PCDHGA2: variants seen among roughly 807,000 people sequenced by gnomAD.
PCDHGA2 encodes the protein protocadherin gamma-A2.
A neutral mutation model predicts 59.2 loss-of-function variants in PCDHGA2; 40 were observed. The observed-to-expected ratio is 0.68, with a 90% confidence interval of 0.52 to 0.88. The LOEUF (loss-of-function observed/expected upper bound fraction) is 0.88. Among genes scored for constraint, PCDHGA2 ranks in the 40% least tolerant of loss-of-function variants. The pLI is 0.00. For synonymous variants in PCDHGA2, 560 were observed against 526.0 expected, an observed-to-expected ratio of 1.06 and a Z score of -0.89; for missense variants, 1,226 against 1,204.0, an observed-to-expected ratio of 1.02 and a Z score of -0.27.
chr5:141,343,940 C>A, intron 1 of PCDHGA2: 1 of 1,176,862 alleles, frequency 8.5e-7, no homozygotes, highest in Non-Finnish European at 1.2e-6. Context: ...GTGAATTAGG[C>A]CCGTAAAAGA....
At chr5:141,408,248 G>A in intron 1 of PCDHGA2, 1 of 1,593,412 alleles carries the variant, frequency 6.3e-7, no homozygotes, top group East Asian at 2.3e-5. Context: ...CCCGCGGCAG[G>A]TGCTATTTCC....
At chr5:141,389,147 G>C (rs530113846) in intron 1 of PCDHGA2, 120 of 1,613,986 alleles carry the variant, frequency 7.4e-5, no homozygotes, top group Admixed American at 4.8e-4. Flanking sequence ...TAACCGTTAC[G>C]GCAACAGATC....
At chr5:141,406,515 T>C (rs2094818414) in intron 1 of PCDHGA2, among the ~76,000 whole-genome samples, 1 of 152,234 alleles carries the variant, frequency 6.6e-6, no homozygotes, top group Non-Finnish European at 1.5e-5. Context: ...TGTTTGTGTT[T>C]ACAGATATTT....
intron 1 of PCDHGA2, among the ~76,000 whole-genome samples, chr5:141,482,526 C>T (rs1198022164): frequency 1.5e-5 from 1 of 68,582 alleles, no homozygotes; most frequent in African/African-American, 9.7e-5. Flanking sequence ...ATGAGACAGA[C>T]ATGCAAAAAA....
At chr5:141,356,980 G>A in intron 1 of PCDHGA2, 1 of 1,614,252 alleles carries the variant, frequency 6.2e-7, no homozygotes, top group Non-Finnish European at 8.5e-7. Flanking sequence ...AGTGGTGGCA[G>A]TGGACAGAGA....
intron 1 of PCDHGA2, chr5:141,350,198 G>C: frequency 7.0e-7 from 1 of 1,421,620 alleles, no homozygotes; most frequent in African/African-American, 1.4e-5. Flanking sequence ...AGAAGTCCAG[G>C]GTGCTGCCAT....
Position 141,432,911 on chromosome 5 carries a change from C to G in PCDHGA2, c.2425-61896C>G. 5 of 1,614,176 alleles carry G rather than the reference C, an allele frequency of 3.1e-6. No homozygotes were observed. Among genetic ancestry groups the G allele is most frequent in the Non-Finnish European group, 4.2e-6 (5 of 1,180,014 alleles). Reference sequence around the variant, plus strand: ...CTTGCTGCTGGCGCTCAGGCTGCGGCGCTGGCACAAGTCACGCCTGCTGCA... The same window carrying G: ...CTTGCTGCTGGCGCTCAGGCTGCGGGGCTGGCACAAGTCACGCCTGCTGCA... On this transcript the variant is annotated intron_variant, in intron 1 of 3. Transcript: ENST00000394576. This position sits in a 1 kb window ranked among gnomAD's most constrained non-coding sequence, Gnocchi z 6.0.
intron 1 of PCDHGA2, chr5:141,410,715 G>A: frequency 1.4e-6 from 2 of 1,422,782 alleles, no homozygotes; most frequent in Non-Finnish European, 1.9e-6. Context: ...AGAATCATAT[G>A]TTTAAAATCC....
intron 1 of PCDHGA2, among the ~76,000 whole-genome samples, chr5:141,439,689 A>G (rs1193986599): frequency 6.6e-6 from 1 of 152,218 alleles, no homozygotes; most frequent in Non-Finnish European, 1.5e-5. Flanking sequence ...CAGACCCACA[A>G]CATTCCTATT....
chr5:141,408,909 A>G lies in PCDHGA2; in HGVS notation c.2424+67514A>G, dbSNP rs746399377. On this transcript the variant is annotated intron_variant, in intron 1 of 3. Transcript: ENST00000394576. ...ATAGAAATTTCTGTCAAGGATACCA[A>G]TGATAACCCCCCGGTTTTCAGCAGA... 1.3e-5 allele frequency: 21 copies of G among 1,613,442 alleles called. No individual in the cohort carries two copies. In the East Asian group the frequency reaches 2.5e-4, roughly 19 times the overall value.
intron 1 of PCDHGA2, chr5:141,345,031 T>G (rs1276202464): frequency 2.5e-6 from 4 of 1,613,840 alleles, no homozygotes; most frequent in Non-Finnish European, 3.4e-6. Flanking sequence ...AGAGCCAAGA[T>G]TCTAGTCACG....
At chr5:141,383,997 T>C (rs1160859584) in intron 1 of PCDHGA2, 1 of 1,613,870 alleles carries the variant, frequency 6.2e-7, no homozygotes, top group Admixed American at 1.7e-5. Flanking sequence ...GGACAGTCAT[T>C]GCTCTTTTCT....
intron 1 of PCDHGA2, chr5:141,394,811 C>G (rs1225635250): frequency 7.4e-6 from 12 of 1,613,770 alleles, no homozygotes; most frequent in Non-Finnish European, 1.0e-5. Flanking sequence ...CCGTGGCTGA[C>G]AGCATCCCCG....
chr5:141,501,025 C>T (rs999221755), intron 2 of PCDHGA2, among the ~76,000 whole-genome samples: 94 of 152,100 alleles, frequency 6.2e-4, no homozygotes, highest in East Asian at 1.9e-3. Flanking sequence ...CGCGCCACCA[C>T]GCCCAGCTAA....
chr5:141,418,980 A>T, intron 1 of PCDHGA2: 1 of 1,614,004 alleles, frequency 6.2e-7, no homozygotes. Flanking sequence ...ACACGGGACC[A>T]AGACTCAGGG....
At chr5:141,351,789 T>C in intron 1 of PCDHGA2, 1 of 1,613,364 alleles carries the variant, frequency 6.2e-7, no homozygotes. Flanking sequence ...AGCGGGGTGG[T>C]GTTCGCGCAG....
Position 141,485,411 on chromosome 5 carries a change from G to C in PCDHGA2, c.2425-9396G>C, listed in dbSNP as rs1412397411. On this transcript the variant is annotated intron_variant, in intron 1 of 3. Coordinates refer to ENST00000394576, the MANE Select transcript of PCDHGA2 (RefSeq NM_018915.4). This position sits in a 1 kb window ranked among gnomAD's most constrained non-coding sequence, Gnocchi z 5.7. The stretch of plus-strand genomic sequence containing the variant: ...CCAAAGACACTTCCGTGTGGATTTG[G>C]ACAGCGGAGCCCTGCTCATCAAGAA... The C allele has an allele frequency of 2.5e-6, 4 of 1,614,054 alleles. No homozygotes were observed. Among genetic ancestry groups the C allele is most frequent in the Non-Finnish European group, 3.4e-6 (4 of 1,180,044 alleles).
intron 1 of PCDHGA2, among the ~76,000 whole-genome samples, chr5:141,482,605 C>T (rs2099569133): frequency 6.7e-6 from 1 of 150,032 alleles, no homozygotes; most frequent in Admixed American, 6.6e-5. Flanking sequence ...GAAAAAACAC[C>T]TAAATGAGCC....
chr5:141,509,577 C>G (rs569743928), intron 3 of PCDHGA2, among the ~76,000 whole-genome samples: 2 of 152,320 alleles, frequency 1.3e-5, no homozygotes, highest in African/African-American at 2.4e-5. Context: ...ACAGTGCGTA[C>G]AAATCAGCTG....
Sources: gnomAD v4.1 joint callset for allele counts (sites outside exome capture counted in the v4.1 genomes callset) on GRCh38, gnomAD v4.1.1 for gene constraint, Gnocchi (gnomAD v3.1) non-coding constraint, MANE v1.5 for transcripts, NCBI Gene and HGNC (gene_info 2026-07-23, HGNC 2026-07-21) for gene names.